The following SNAPC1 variants were observed in gnomAD, a reference collection of about 807,000 sequenced individuals.
The protein encoded by SNAPC1 is small nuclear RNA activating complex polypeptide 1.
SNAPC1 carries 42 observed loss-of-function variants against 50.1 expected under a neutral mutation model. That is an observed-to-expected ratio of 0.84 (90% CI 0.65 to 1.08). The LOEUF is 1.08. Ranked by LOEUF, SNAPC1 falls within the 50% of genes least tolerant of loss-of-function variation. The pLI, the probability that SNAPC1 is intolerant of heterozygous loss-of-function variation, is 0.00. For synonymous variants in SNAPC1, 164 were observed against 144.2 expected, an observed-to-expected ratio of 1.14 and a Z score of -0.98; for missense variants, 477 against 427.3, an observed-to-expected ratio of 1.12 and a Z score of -1.02.
At chr14:61,793,322 C>T (rs1479423470) in intron 9 of SNAPC1, among the ~76,000 whole-genome samples, 1 of 151,746 alleles carries the variant, frequency 6.6e-6, no homozygotes, top group Admixed American at 6.6e-5. Flanking sequence ...ACTACAGCTT[C>T]GACCTCCCCG....
chr14:61,778,819 CT>C (rs762590103), intron 6 of SNAPC1, 28 bp from the exon 7 acceptor site: 33 of 1,436,992 alleles, frequency 2.3e-5, no homozygotes, highest in Middle Eastern at 1.8e-4. Context: ...TGTGTTTTAA[CT>C]TTTTTTTCCT....
intron 7 of SNAPC1, among the ~76,000 whole-genome samples, chr14:61,781,321 C>T (rs1368873230): frequency 5.9e-5 from 9 of 151,702 alleles, no homozygotes; most frequent in Non-Finnish European, 8.8e-5. Flanking sequence ...TGGTGGTGGG[C>T]GCCAGTAGTC....
intron 1 of SNAPC1, among the ~76,000 whole-genome samples, chr14:61,763,501 TTTTTTC>T (rs2044924264): frequency 1.8e-5 from 2 of 110,744 alleles, no homozygotes; most frequent in Admixed American, 1.7e-4. Flanking sequence ...TTTTTTTTTT[TTTTTTC>T]TTTGGGCCCT....
Position 61,782,252 on chromosome 14 carries a change from C to T in SNAPC1, c.831C>T (p.Ser277=), listed in dbSNP as rs751702139. 2 of 1,586,996 alleles carry T rather than the reference C, an allele frequency of 1.3e-6. No individual in the cohort carries two copies. The highest frequency in any genetic ancestry group is 2.3e-5 in the South Asian group (2 of 85,962). Residue 277 remains serine, a synonymous_variant, in exon 8 of 10, where the codon TCC becomes TCT. Coordinates refer to ENST00000216294, the MANE Select transcript of SNAPC1 (RefSeq NM_003082.4). ...SKAFSVVIQA[S]KSRRHRQVKL... The stretch of plus-strand genomic sequence containing the variant: ...ATTGGATTGTAACTCTTAAGGCATC[C>T]AAATCAAGAAGGCATCGTCAAGTCA...
chr14:61,784,212 T>C (rs1010320786), intron 8 of SNAPC1, among the ~76,000 whole-genome samples: 1 of 152,208 alleles, frequency 6.6e-6, no homozygotes, highest in African/African-American at 2.4e-5. Flanking sequence ...CCTTTCACAA[T>C]GCTAAAGGAT....
At chr14:61,792,936 AAC>A (rs1404226096) in intron 9 of SNAPC1, 34 bp downstream of exon 9, 1 of 1,071,528 alleles carries the variant, frequency 9.3e-7, no homozygotes. Context: ...TAGTCAAGTA[AAC>A]TAACTTATAC....
chr14:61,774,647 CATTTTTTTTTTTT>C (rs2045020538), intron 4 of SNAPC1, among the ~76,000 whole-genome samples: 1 of 87,782 alleles, frequency 1.1e-5, no homozygotes, highest in African/African-American at 4.7e-5. Flanking sequence ...ATCAGTTTCT[CATTTTTTTTTTTT>C]TTTTTTTTTT....
At chr14:61,791,619 A>G (rs1261511362) in intron 8 of SNAPC1, among the ~76,000 whole-genome samples, 4 of 152,122 alleles carry the variant, frequency 2.6e-5, no homozygotes, top group African/African-American at 9.7e-5. Flanking sequence ...AGGTTGAGGC[A>G]GGTGGATCAC....
chr14:61,785,508 A>C (rs996493343), intron 8 of SNAPC1, among the ~76,000 whole-genome samples: 1 of 152,206 alleles, frequency 6.6e-6, no homozygotes, highest in Non-Finnish European at 1.5e-5. Context: ...GACAGGTCTC[A>C]GTTGATTTAG....
chr14:61,779,332 G>A (rs1475240301), intron 7 of SNAPC1, among the ~76,000 whole-genome samples: 2 of 152,028 alleles, frequency 1.3e-5, no homozygotes, highest in Non-Finnish European at 2.9e-5. Context: ...ATATCCTTCA[G>A]TTCTGAAGAA....
intron 1 of SNAPC1, among the ~76,000 whole-genome samples, chr14:61,765,170 C>T (rs532248486): frequency 5.9e-5 from 9 of 152,290 alleles, no homozygotes; most frequent in African/African-American, 2.2e-4. Context: ...AAGACTGTTA[C>T]ATTGACTTTT....
chr14:61,762,529 T>G lies in SNAPC1; in HGVS notation c.69T>G (p.Ser23Arg), dbSNP rs749828838. Residue 23 changes from serine (S) to arginine (R), a missense_variant, in exon 1 of 10, where the codon AGT (serine) becomes AGG (arginine). Ser to Arg is a moderately radical substitution (Grantham distance 110, BLOSUM62 -1). Coordinates refer to ENST00000216294, the MANE Select transcript of SNAPC1 (RefSeq NM_003082.4). The stretch of plus-strand genomic sequence containing the variant: ...TCAGCCGCTTCCAGGAGACGGACAG[T>G]GTACGCTTCGAGGACTTCACGGAGC... ...ALLSRFQETD[S>R]VRFEDFTELW... 2.0e-6 allele frequency: 3 copies of G among 1,470,410 alleles called. No individual in the cohort carries two copies. The highest frequency in any genetic ancestry group is 2.7e-6 in the Non-Finnish European group (3 of 1,110,224). 91.1% of individuals were successfully genotyped at this position (1,470,410 alleles called of 1,614,324 possible). A position where few individuals can be genotyped will look rare whatever the true frequency, so the allele number is the denominator to read the frequency against.
Position 61,767,234 on chromosome 14 carries a change from G to A in SNAPC1, c.311G>A (p.Trp104Ter). ...CAGATCAGAGTTGCCCTGAAGGATT[G>A]GGATGAAGTTTTAAAATTTCAGCAA... is the stretch of plus-strand genomic sequence containing the variant. The part of the protein sequence containing the change: ...KQKIRVALKD[W>*]DEVLKFQQDL... The change falls in exon 3 of 10, where the codon TGG becomes TAG. Residue 104 changes from tryptophan (W) to a stop codon, truncating the protein, a stop_gained. Transcript: ENST00000216294. LOFTEE classifies it high-confidence loss of function. 6.6e-7 allele frequency: 1 copy of A among 1,506,584 alleles called. No individual in the cohort carries two copies. Among genetic ancestry groups the A allele is most frequent in the Non-Finnish European group, 8.9e-7 (1 of 1,126,326 alleles). 93.3% of individuals were successfully genotyped at this position (1,506,584 alleles called of 1,614,324 possible). A position where few individuals can be genotyped will look rare whatever the true frequency, so the allele number is the denominator to read the frequency against.
At chr14:61,781,469 A>AG (rs1408454017) in intron 7 of SNAPC1, among the ~76,000 whole-genome samples, 1 of 148,854 alleles carries the variant, frequency 6.7e-6, no homozygotes, top group Admixed American at 6.6e-5. Flanking sequence ...AAAAAAAAAA[A>AG]GGACAGAAAA....
chr14:61,789,021 A>G (rs913733918), intron 8 of SNAPC1, among the ~76,000 whole-genome samples: 1 of 152,172 alleles, frequency 6.6e-6, no homozygotes, highest in Non-Finnish European at 1.5e-5. Flanking sequence ...TCACAAGGTC[A>G]GGAGTTCAAA....
At chr14:61,786,261 AT>A (rs2140184413) in intron 8 of SNAPC1, among the ~76,000 whole-genome samples, 1 of 147,244 alleles carries the variant, frequency 6.8e-6, no homozygotes, top group South Asian at 2.2e-4. Context: ...ACATGACACA[AT>A]AACACGAGCA....
At chr14:61,790,493 G>A (rs375212105) in intron 8 of SNAPC1, among the ~76,000 whole-genome samples, 6 of 152,180 alleles carry the variant, frequency 3.9e-5, no homozygotes, top group East Asian at 1.9e-4. Flanking sequence ...TCGCCACCAC[G>A]CCTGGCTGAT....
intron 3 of SNAPC1, 72 bp from the exon 4 acceptor site, chr14:61,768,564 G>A (rs2044965468): frequency 3.7e-6 from 3 of 817,898 alleles, no homozygotes; most frequent in Admixed American, 4.6e-5. Flanking sequence ...TTTAGTGCTG[G>A]CTTATATTTC....
At chr14:61,784,674 G>A (rs542938323) in intron 8 of SNAPC1, among the ~76,000 whole-genome samples, 8 of 152,304 alleles carry the variant, frequency 5.3e-5, no homozygotes, top group African/African-American at 1.9e-4. Flanking sequence ...GGTCACATTT[G>A]GTCCAGGGGC....
Sources: allele counts gnomAD v4.1 joint callset (sites outside exome capture counted in the v4.1 genomes callset), GRCh38; gene constraint gnomAD v4.1.1; transcripts MANE v1.5; gene names NCBI Gene and HGNC (gene_info 2026-07-23, HGNC 2026-07-21).